Variants in ZNF451 observed in about 807,000 individuals in gnomAD.
ZNF451 encodes zinc finger protein 451.
In ZNF451, 80 loss-of-function variants were observed where a neutral mutation model predicts 107.1. That is an observed-to-expected ratio of 0.75 (90% CI 0.62 to 0.90). ZNF451 has a LOEUF of 0.90. ZNF451 is among the 40% of genes least tolerant of loss of function. ZNF451 has a pLI of 0.00. For missense variants in ZNF451, 1,107 were observed against 1,236.2 expected (o/e 0.90, Z 1.57); for synonymous variants, 362 against 406.5 (o/e 0.89, Z 1.32).
chr6:57,105,279 T>G, intron 3 of ZNF451: 1 of 984,998 alleles, frequency 1.0e-6, no homozygotes, highest in Non-Finnish European at 1.2e-6. Flanking sequence ...TGATCTTGAT[T>G]CTTCAAAATG....
intron 10 of ZNF451, 78 bp downstream of exon 10, chr6:57,148,771 A>T: frequency 7.2e-7 from 1 of 1,393,370 alleles, no homozygotes; most frequent in Admixed American, 2.3e-5. Flanking sequence ...TTCAATTTTG[A>T]AGCAAGAAAC....
At chr6:57,122,320 A>G (rs1364962902) in intron 3 of ZNF451, among the ~76,000 whole-genome samples, 1 of 152,226 alleles carries the variant, frequency 6.6e-6, no homozygotes, top group African/African-American at 2.4e-5. Context: ...GACTTAGGCA[A>G]AGAATTTATG....
At chr6:57,104,323 T>A in intron 3 of ZNF451, 1 of 985,424 alleles carries the variant, frequency 1.0e-6, no homozygotes, top group Non-Finnish European at 1.2e-6. Flanking sequence ...GACTTGCCAC[T>A]GGAGAACTCA....
chr6:57,117,566 A>G (rs554603262), intron 3 of ZNF451, among the ~76,000 whole-genome samples: 2 of 152,314 alleles, frequency 1.3e-5, no homozygotes, highest in East Asian at 3.9e-4. Context: ...GTATGTTTTG[A>G]TAGCACGTGA....
chr6:57,147,069 ATTTCTT>A lies in ZNF451; in HGVS notation c.1005-17_1005-12del. Reference sequence around the variant, plus strand: ...AGAAAATACTTCTGAAAGACTTTCTATTTCTTTTTATCTAATTTAGAGTTCATTGTC... The same window carrying A: ...AGAAAATACTTCTGAAAGACTTTCTATTTATCTAATTTAGAGTTCATTGTC... On this transcript the variant is annotated splice_polypyrimidine_tract_variant and intron_variant, in intron 9 of 14. Transcript: ENST00000370706. 6.4e-7 allele frequency: 1 copy of A among 1,557,972 alleles called. No homozygotes were observed. Among genetic ancestry groups the A allele is most frequent in the Non-Finnish European group, 8.7e-7 (1 of 1,154,812 alleles).
intron 9 of ZNF451, 57 bp downstream of exon 9, chr6:57,142,152 A>T: frequency 6.7e-7 from 1 of 1,484,356 alleles, no homozygotes; most frequent in Non-Finnish European, 9.1e-7. Flanking sequence ...CAGTGAGAAG[A>T]TTCAACAAAT....
In ZNF451 at chr6:57,090,284, C is replaced by T. The variant is rs760221638; in HGVS notation, c.21+10C>T. ...AGACCCGGGGTCGGAGGTGAGTAGT[C>T]GAGTGAGGGTCCTGGCGTTCTCAGA... is the stretch of plus-strand genomic sequence containing the variant. On this transcript the variant is annotated intron_variant, in intron 1 of 14. Coordinates refer to ENST00000370706, the MANE Select transcript of ZNF451 (RefSeq NM_001031623.3). The T allele has an allele frequency of 6.2e-7, 1 of 1,610,718 alleles. No homozygotes were observed. Among genetic ancestry groups the T allele is most frequent in the Non-Finnish European group, 8.5e-7 (1 of 1,179,352 alleles).
At position 57,133,134 on chromosome 6, in the gene ZNF451, A is replaced by G. The variant is rs1289149229; in HGVS notation, c.517A>G (p.Ile173Val). Residue 173 changes from isoleucine (I) to valine (V), a missense_variant, in exon 6 of 15, where the codon ATA becomes GTA. Ile to Val is a conservative substitution (Grantham distance 29). Transcript: ENST00000370706. ...WVSGKPILCP[I>V]MHCNKEFDNG... is the part of the protein sequence containing the mutation. ...GTCTGGGAAACCAATTTTATGTCCT[A>G]TAATGCACTGTAACAAGGAGTTTGA... 3 of 1,614,062 alleles carry G rather than the reference A, an allele frequency of 1.9e-6. No individual in the cohort carries two copies. The highest frequency in any genetic ancestry group is 1.7e-5 in the Admixed American group (1 of 60,012).
intron 3 of ZNF451, chr6:57,102,867 C>T (rs1341781969): frequency 1.0e-6 from 1 of 985,416 alleles, no homozygotes; most frequent in Non-Finnish European, 1.2e-6. Context: ...CATCACTACT[C>T]ATAAAGCTAC....
intron 9 of ZNF451, among the ~76,000 whole-genome samples, chr6:57,146,245 CTTGA>C (rs1339643872): frequency 2.0e-5 from 3 of 151,972 alleles, no homozygotes; most frequent in East Asian, 1.9e-4. Context: ...TGTTTATTCT[CTTGA>C]TTATTTCTTT....
intron 3 of ZNF451, among the ~76,000 whole-genome samples, chr6:57,115,858 T>C (rs1347953764): frequency 6.6e-6 from 1 of 152,220 alleles, no homozygotes; most frequent in Non-Finnish European, 1.5e-5. Context: ...TTATGTGTTT[T>C]ATTTAAAGAC....
At chr6:57,105,774 GTTTAC>G in intron 3 of ZNF451, 1 of 985,240 alleles carries the variant, frequency 1.0e-6, no homozygotes, top group Non-Finnish European at 1.2e-6. Context: ...AAGTGGATGT[GTTTAC>G]TTGGTTAGAA....
chr6:57,117,280 C>A (rs1562601354), intron 3 of ZNF451, among the ~76,000 whole-genome samples: 1 of 149,934 alleles, frequency 6.7e-6, no homozygotes, highest in Non-Finnish European at 1.5e-5. Flanking sequence ...AGGAATGTTT[C>A]CTTTGAGCTT....
rs1453842620 is a variant in ZNF451, at chr6:57,109,439, T to A, written c.186+10298T>A. ...AAGTCACTTGTTTTCTGAGCCTCAGTTTTCTTACTCTCAAATGAGGTAATA... is the reference window on the plus strand; with the variant it reads ...AAGTCACTTGTTTTCTGAGCCTCAGATTTCTTACTCTCAAATGAGGTAATA... On this transcript the variant is annotated intron_variant, in intron 3 of 14. Transcript: ENST00000370706. 9.1e-6 allele frequency: 9 copies of A among 985,322 alleles called. No individual in the cohort carries two copies. In the East Asian group the frequency reaches 9.1e-4, roughly 99 times the overall value. The allele number at this position is 985,322 out of a possible 1,614,324, so 61.0% of individuals were successfully genotyped here.
chr6:57,104,141 C>G lies in ZNF451; in HGVS notation c.186+5000C>G, dbSNP rs998405237. 4.1e-6 allele frequency: 4 copies of G among 984,348 alleles called. No homozygotes were observed. In the African/African-American group the frequency reaches 7.0e-5, roughly 17 times the overall value. The allele number at this position is 984,348 out of a possible 1,614,324, so 61.0% of individuals were successfully genotyped here. A position where few individuals can be genotyped will look rare whatever the true frequency, so the allele number is the denominator to read the frequency against. On this transcript the variant is annotated intron_variant, in intron 3 of 14. Transcript: ENST00000370706. ...TATTTCCACTTCTGTAGAAATAGGT[C>G]CATGCCAGTGTTCTCTACAAAGTGT...
At chr6:57,141,875 G>C in intron 8 of ZNF451, 73 bp from the exon 9 acceptor site, 1 of 1,338,492 alleles carries the variant, frequency 7.5e-7, no homozygotes, top group Admixed American at 1.9e-5. Context: ...TGTTGAGAAG[G>C]GCTGAGGGGA....
intron 3 of ZNF451, chr6:57,108,716 C>G (rs538532152): frequency 1.0e-6 from 1 of 985,198 alleles, no homozygotes; most frequent in African/African-American, 1.7e-5. Context: ...TGTTAATATC[C>G]GTGTGTTTAA....
chr6:57,159,983 A>G (rs940146240), intron 13 of ZNF451, among the ~76,000 whole-genome samples: 1 of 152,172 alleles, frequency 6.6e-6, no homozygotes, highest in Non-Finnish European at 1.5e-5. Flanking sequence ...TTGTATAATT[A>G]TGTCTTGATA....
intron 12 of ZNF451, 46 bp downstream of exon 12, chr6:57,152,397 CT>C: frequency 6.2e-7 from 1 of 1,609,308 alleles, no homozygotes; most frequent in East Asian, 2.2e-5. Flanking sequence ...CTCAGACCCA[CT>C]TGCATTTTTT....
Sources: allele counts gnomAD v4.1 joint callset (sites outside exome capture counted in the v4.1 genomes callset), GRCh38; gene constraint gnomAD v4.1.1; transcripts MANE v1.5; gene names NCBI Gene and HGNC (gene_info 2026-07-23, HGNC 2026-07-21).